LEKR1: variants seen among roughly 807,000 people sequenced by gnomAD.
The protein encoded by LEKR1 is leucine, glutamate and lysine rich 1.
A neutral mutation model predicts 72.4 loss-of-function variants in LEKR1; 59 were observed. The observed-to-expected ratio is 0.82, with a 90% CI of 0.66 to 1.01. LEKR1 has a LOEUF of 1.01. LEKR1 is among the 50% of genes least tolerant of loss of function. LEKR1 has a pLI of 0.00. For missense variants in LEKR1, 728 were observed against 759.2 expected, an observed-to-expected ratio of 0.96 and a Z score of 0.48; for synonymous variants, 257 against 263.2, an observed-to-expected ratio of 0.98 and a Z score of 0.23.
At chr3:157,012,452 C>A (rs1208541633) in intron 10 of LEKR1, among the ~76,000 whole-genome samples, 9 of 152,160 alleles carry the variant, frequency 5.9e-5, no homozygotes, top group African/African-American at 1.9e-4. Context: ...ACCTCAGCAA[C>A]AAGCAGTGGC....
At chr3:156,989,157 G>A (rs1203292386) in intron 7 of LEKR1, among the ~76,000 whole-genome samples, 1 of 152,068 alleles carries the variant, frequency 6.6e-6, no homozygotes, top group African/African-American at 2.4e-5. Context: ...CGAACTTTTT[G>A]CTTAGTGATA....
chr3:156,857,102 C>T (rs1716153712), intron 3 of LEKR1, among the ~76,000 whole-genome samples: 2 of 151,964 alleles, frequency 1.3e-5, no homozygotes, highest in African/African-American at 4.8e-5. Context: ...ATTTCTAGTT[C>T]TTTAAGTTTA....
At chr3:156,913,040 G>T (rs1477004035) in intron 3 of LEKR1, among the ~76,000 whole-genome samples, 1 of 152,002 alleles carries the variant, frequency 6.6e-6, no homozygotes, top group Non-Finnish European at 1.5e-5. Flanking sequence ...TTGCTTCTTG[G>T]AAAAAAGTTA....
At chr3:156,895,994 G>A (rs1325541858) in intron 3 of LEKR1, among the ~76,000 whole-genome samples, 2 of 152,182 alleles carry the variant, frequency 1.3e-5, no homozygotes, top group Non-Finnish European at 2.9e-5. Flanking sequence ...TAAAGAAAAT[G>A]TGGTGCACGT....
intron 3 of LEKR1, among the ~76,000 whole-genome samples, chr3:156,866,036 C>A (rs547507027): frequency 6.6e-6 from 1 of 152,064 alleles, no homozygotes; most frequent in African/African-American, 2.4e-5. Flanking sequence ...CCATGAAAAC[C>A]AGTCTGATTC....
At chr3:156,910,180 G>C (rs1173222661) in intron 3 of LEKR1, among the ~76,000 whole-genome samples, 2 of 152,068 alleles carry the variant, frequency 1.3e-5, no homozygotes, top group Admixed American at 6.6e-5. Flanking sequence ...ACGTGTGCAG[G>C]CTTGTTACAT....
At chr3:156,860,519 A>G (rs1174841631) in intron 3 of LEKR1, among the ~76,000 whole-genome samples, 5 of 152,222 alleles carry the variant, frequency 3.3e-5, no homozygotes, top group African/African-American at 7.2e-5. Context: ...TAGGTACCAA[A>G]GGTCCAGAGA....
At chr3:156,994,688 G>A (rs1560134148) in intron 9 of LEKR1, among the ~76,000 whole-genome samples, 1 of 152,178 alleles carries the variant, frequency 6.6e-6, no homozygotes, top group Non-Finnish European at 1.5e-5. Flanking sequence ...TATATAGTCA[G>A]AAAGATTAAA....
chr3:156,986,137 A>G (rs1168288539), intron 7 of LEKR1, among the ~76,000 whole-genome samples: 1 of 152,128 alleles, frequency 6.6e-6, no homozygotes, highest in African/African-American at 2.4e-5. Flanking sequence ...AGGACTTCTG[A>G]CCTCCAGAAC....
intron 3 of LEKR1, among the ~76,000 whole-genome samples, chr3:156,889,404 G>A (rs1720434860): frequency 6.6e-6 from 1 of 151,998 alleles, no homozygotes; most frequent in South Asian, 2.1e-4. Flanking sequence ...AGAAGGAGAT[G>A]AAAATAATTT....
chr3:157,032,061 G>A (rs192245958), intron 12 of LEKR1, among the ~76,000 whole-genome samples: 29 of 152,070 alleles, frequency 1.9e-4, no homozygotes, highest in Admixed American at 1.4e-3. Flanking sequence ...TTGGAAAGGA[G>A]GGAGGGAGGG....
At position 157,045,880 on chromosome 3, in the gene LEKR1, AT is replaced by A. The variant is rs1735722613; in HGVS notation, c.*133del. 4.8e-6 allele frequency: 4 copies of A among 825,234 alleles called. No homozygotes were observed. The highest frequency in any genetic ancestry group is 2.9e-5 in the Admixed American group (1 of 34,430). 51.1% of individuals were successfully genotyped at this position (825,234 alleles called of 1,614,324 possible). A position where few individuals can be genotyped will look rare whatever the true frequency, so the allele number is the denominator to read the frequency against. ...ATCAGGAAGGCATACCTATAGATGT[AT>A]TTAACAAAAGACTGTAAAAAGCTGG... On this transcript the variant is annotated 3_prime_UTR_variant, in exon 13 of 13. Coordinates refer to ENST00000356539, the MANE Select transcript of LEKR1 (RefSeq NM_001004316.3).
At chr3:156,854,723 GT>G (rs780705516) in intron 3 of LEKR1, among the ~76,000 whole-genome samples, 16 of 144,422 alleles carry the variant, frequency 1.1e-4, no homozygotes, top group South Asian at 2.2e-4. Context: ...GTATTTTGTA[GT>G]TTTTTTTTTT....
chr3:156,924,631 GAT>G lies in LEKR1; in HGVS notation c.384-2795_384-2794del, dbSNP rs1724535794. On this transcript the variant is annotated intron_variant, in intron 4 of 12. Transcript: ENST00000356539. ...TCTATTTCAGCTAACTTCTGTGTAT[GAT>G]ATGAGGTAAGAATCTAAATTCATCC... is the stretch of plus-strand genomic sequence containing the variant. The G allele has an allele frequency of 1.0e-5, 5 of 499,932 alleles. No individual in the cohort carries two copies. In the South Asian group the frequency reaches 1.4e-4, roughly 14 times the overall value. 31.0% of individuals were successfully genotyped at this position (499,932 alleles called of 1,614,324 possible).
intron 3 of LEKR1, among the ~76,000 whole-genome samples, chr3:156,868,985 A>G (rs767905846): frequency 4.6e-5 from 7 of 152,032 alleles, no homozygotes; most frequent in Non-Finnish European, 1.0e-4. Context: ...ACTTAACATA[A>G]TGACCTCCAG....
chr3:156,852,749 T>C lies in LEKR1; in HGVS notation c.49-19T>C, dbSNP rs569831689. 2 of 1,379,076 alleles carry C rather than the reference T, an allele frequency of 1.5e-6. No homozygotes were observed. The highest frequency in any genetic ancestry group is 5.0e-5 in the East Asian group (2 of 39,998). 85.4% of individuals were successfully genotyped at this position (1,379,076 alleles called of 1,614,324 possible). A position where few individuals can be genotyped will look rare whatever the true frequency, so the allele number is the denominator to read the frequency against. On this transcript the variant is annotated intron_variant, in intron 2 of 12. Transcript: ENST00000356539. ...TTCAGAATTAAAAAAATTTGGTAAG[T>C]GTATGTTCTGTTTCCTAGATGTTGC...
chr3:156,988,935 G>A (rs997604266), intron 7 of LEKR1, among the ~76,000 whole-genome samples: 2 of 151,998 alleles, frequency 1.3e-5, no homozygotes, highest in African/African-American at 2.4e-5. Flanking sequence ...GGGTTGACTC[G>A]ATTCTCCTGC....
At chr3:156,983,812 C>T (rs1174570590) in intron 7 of LEKR1, among the ~76,000 whole-genome samples, 1 of 152,092 alleles carries the variant, frequency 6.6e-6, no homozygotes, top group Non-Finnish European at 1.5e-5. Context: ...TTCATTACAC[C>T]TCTAAAAACA....
intron 3 of LEKR1, among the ~76,000 whole-genome samples, chr3:156,862,269 T>A (rs1478468843): frequency 6.6e-6 from 1 of 152,258 alleles, no homozygotes; most frequent in East Asian, 1.9e-4. Flanking sequence ...CCCAGCCACT[T>A]ATTATTTTTT....
Sources: gnomAD v4.1 joint callset for allele counts (sites outside exome capture counted in the v4.1 genomes callset) on GRCh38, gnomAD v4.1.1 for gene constraint, MANE v1.5 for transcripts, NCBI Gene and HGNC (gene_info 2026-07-23, HGNC 2026-07-21) for gene names.